The following IL2RA variants were observed in gnomAD, a reference collection of about 807,000 sequenced individuals.
IL2RA encodes the protein interleukin 2 receptor subunit alpha, also known as interleukin-2 receptor subunit alpha.
A neutral mutation model predicts 37.8 loss-of-function variants in IL2RA; 24 were observed. The ratio of observed to expected loss-of-function variants is 0.63; its 90% CI spans 0.46 to 0.89. The LOEUF (loss-of-function observed/expected upper bound fraction) is 0.89, where lower values mean the gene tolerates loss of function less well. Among genes scored for constraint, IL2RA ranks in the 40% least tolerant of loss-of-function variants. The probability of loss-of-function intolerance (pLI) is 0.00; values close to 1 mark genes in which losing one functional copy is unlikely to be tolerated. For missense variants in IL2RA, 319 were observed against 348.6 expected, an observed-to-expected ratio of 0.92 and a Z score of 0.68; for synonymous variants, 125 against 114.6, an observed-to-expected ratio of 1.09 and a Z score of -0.58.
In IL2RA at chr10:6,062,233, T is replaced by C. The variant is rs1840133056; in HGVS notation, c.-82A>G. ...GGCCCAGTTGCCGTCAGCCTCTTTTTGGCATCGCGCCGGAGGATGTGGGAT... is the reference window on the plus strand; with the variant it reads ...GGCCCAGTTGCCGTCAGCCTCTTTTCGGCATCGCGCCGGAGGATGTGGGAT... On this transcript the variant is annotated 5_prime_UTR_variant, in exon 1 of 8. Transcript: ENST00000379959. 5 of 1,221,546 alleles carry C rather than the reference T, an allele frequency of 4.1e-6. No individual in the cohort carries two copies. The highest frequency in any genetic ancestry group is 3.0e-5 in the African/African-American group (2 of 67,352). The allele number at this position is 1,221,546 out of a possible 1,614,324, so 75.7% of individuals were successfully genotyped here. A position where few individuals can be genotyped will look rare whatever the true frequency, so the allele number is the denominator to read the frequency against.
At chr10:6,026,914 G>T (rs553822208) in intron 1 of IL2RA, among the ~76,000 whole-genome samples, 2 of 152,054 alleles carry the variant, frequency 1.3e-5, no homozygotes, top group East Asian at 3.9e-4. Context: ...GTTGTGTATT[G>T]GTCATTCAGG....
chr10:6,043,448 T>G (rs1038018166), intron 1 of IL2RA, among the ~76,000 whole-genome samples: 1 of 145,576 alleles, frequency 6.9e-6, no homozygotes, highest in Non-Finnish European at 1.5e-5. Context: ...GTTTGTTTTG[T>G]TTTTTTTTGA....
chr10:6,040,416 A>G (rs117846960), intron 1 of IL2RA, among the ~76,000 whole-genome samples: 2,008 of 152,326 alleles, frequency 0.013, 24 homozygotes, highest in Non-Finnish European at 0.018. Context: ...AGCATAGTCA[A>G]TTCTCTGATT....
In IL2RA at chr10:6,036,281, C is replaced by G. The variant is rs1451623896; in HGVS notation, c.65-10256G>C. ...CGACAGATTTAGGAATTCAAGCCAG[C>G]TTTTCTGACTCCCAGGCACCTGCTC... On this transcript the variant is annotated intron_variant, in intron 1 of 7. Coordinates refer to ENST00000379959, the MANE Select transcript of IL2RA (RefSeq NM_000417.3). The surrounding 1 kb of genome is among the most constrained non-coding windows in gnomAD (Gnocchi z 6.1). 6.6e-6 allele frequency: 1 copy of G among 152,390 alleles called. No individual in the cohort carries two copies. The highest frequency in any genetic ancestry group is 1.9e-4 in the East Asian group (1 of 5,186). 9.4% of individuals were successfully genotyped at this position (152,390 alleles called of 1,614,324 possible).
intron 1 of IL2RA, among the ~76,000 whole-genome samples, chr10:6,041,251 A>C (rs1839767298): frequency 6.6e-6 from 1 of 151,060 alleles, no homozygotes; most frequent in Non-Finnish European, 1.5e-5. Flanking sequence ...AGTAGCTGGG[A>C]CTGCAGGCGC....
Position 6,044,092 on chromosome 10 carries a change from A to G in IL2RA, c.64+17996T>C, listed in dbSNP as rs1426133893. ...ACTCCCAATTTTATTTATGAAGTCA[A>G]TCATCCAAATCACCTCTCAGTCCTC... On this transcript the variant is annotated intron_variant, in intron 1 of 7. Coordinates refer to ENST00000379959, the MANE Select transcript of IL2RA (RefSeq NM_000417.3). This position sits in a 1 kb window ranked among gnomAD's most constrained non-coding sequence, Gnocchi z 4.5. 2.0e-5 allele frequency among the ~76,000 whole-genome samples: 3 copies of G among 152,340 alleles called. No individual in the cohort carries two copies. Among genetic ancestry groups the G allele is most frequent in the East Asian group, 3.9e-4 (2 of 5,184 alleles).
chr10:6,024,498 C>T (rs12722575), intron 2 of IL2RA, 144 bp from the exon 3 acceptor site: 14,024 of 687,746 alleles, frequency 0.02, 197 homozygotes, highest in Middle Eastern at 0.033. Context: ...CTTACAAATA[C>T]GAAACCAGAG....
chr10:6,058,541 A>G lies in IL2RA; in HGVS notation c.64+3547T>C, dbSNP rs1478058802. 2.0e-5 allele frequency among the ~76,000 whole-genome samples: 3 copies of G among 152,350 alleles called. No individual in the cohort carries two copies. Among genetic ancestry groups the G allele is most frequent in the African/African-American group, 7.2e-5 (3 of 41,584 alleles). On this transcript the variant is annotated intron_variant, in intron 1 of 7. Coordinates refer to ENST00000379959, the MANE Select transcript of IL2RA (RefSeq NM_000417.3). This position sits in a 1 kb window ranked among gnomAD's most constrained non-coding sequence, Gnocchi z 4.2. ...CTTTGGGATCTCAAGAAGTTGAAAG[A>G]TTAAATGTGAAGGGTTAAACATTTT...
intron 3 of IL2RA, among the ~76,000 whole-genome samples, chr10:6,023,643 T>C (rs999449440): frequency 6.6e-6 from 1 of 152,204 alleles, no homozygotes; most frequent in Admixed American, 6.5e-5. Flanking sequence ...GCCCATTTTC[T>C]TGACACCATA....
intron 1 of IL2RA, among the ~76,000 whole-genome samples, chr10:6,027,726 C>T (rs1839508277): frequency 6.6e-6 from 1 of 152,096 alleles, no homozygotes; most frequent in Admixed American, 6.5e-5. Flanking sequence ...TCTCACTGTC[C>T]AGAAGAAGAG....
At chr10:6,026,694 T>A (rs1839488606) in intron 1 of IL2RA, among the ~76,000 whole-genome samples, 1 of 152,082 alleles carries the variant, frequency 6.6e-6, no homozygotes, top group South Asian at 2.1e-4. Context: ...ATCAGAAAAA[T>A]AATTCCATTG....
In IL2RA at chr10:6,035,245, G is replaced by C. The variant is rs1210911237; in HGVS notation, c.65-9220C>G. The stretch of plus-strand genomic sequence containing the variant: ...GAATGGGACCCTGAGAGAGCCAGGG[G>C]TTCCTTGGGCCCCCGCTAGGGGACT... On this transcript the variant is annotated intron_variant, in intron 1 of 7. Transcript: ENST00000379959. This position sits in a 1 kb window ranked among gnomAD's most constrained non-coding sequence, Gnocchi z 5.4. Among the ~76,000 whole-genome samples, 1 of 152,220 alleles carries C rather than the reference G, an allele frequency of 6.6e-6. No homozygotes were observed. Among genetic ancestry groups the C allele is most frequent in the Admixed American group, 6.5e-5 (1 of 15,288 alleles).
At position 6,028,667 on chromosome 10, in the gene IL2RA, G is replaced by T. The variant is rs1839521511; in HGVS notation, c.65-2642C>A. Among the ~76,000 whole-genome samples, 1 of 152,136 alleles carries T rather than the reference G, an allele frequency of 6.6e-6. No individual in the cohort carries two copies. The highest frequency in any genetic ancestry group is 2.4e-5 in the African/African-American group (1 of 41,438). ...GACATGTGAAGAAACAGGAAAATGT[G>T]ACATACTTGACCTACTCAAAAAAGT... On this transcript the variant is annotated intron_variant, in intron 1 of 7. Transcript: ENST00000379959. This position sits in a 1 kb window ranked among gnomAD's most constrained non-coding sequence, Gnocchi z 4.1.
chr10:6,030,695 T>C (rs1308747143), intron 1 of IL2RA, among the ~76,000 whole-genome samples: 3 of 152,112 alleles, frequency 2.0e-5, no homozygotes, highest in Non-Finnish European at 4.4e-5. Flanking sequence ...CATGAAGTAA[T>C]AAAGAACACG....
Position 6,020,955 on chromosome 10 carries a change from G to C in IL2RA, c.583+523C>G, listed in dbSNP as rs887332303. ...TATGTGTGTGTGTGTGTGTGTGTGC[G>C]CGCATGTGCACTGAGTAAGTCCCGA... On this transcript the variant is annotated intron_variant, in intron 4 of 7. Coordinates refer to ENST00000379959, the MANE Select transcript of IL2RA (RefSeq NM_000417.3). This position sits in a 1 kb window ranked among gnomAD's most constrained non-coding sequence, Gnocchi z 5.6. 6.8e-6 allele frequency among the ~76,000 whole-genome samples: 1 copy of C among 146,732 alleles called. No individual in the cohort carries two copies. Among genetic ancestry groups the C allele is most frequent in the Non-Finnish European group, 1.5e-5 (1 of 65,978 alleles).
In IL2RA at chr10:6,012,821, C is replaced by T; in HGVS notation, c.*51G>A. On this transcript the variant is annotated 3_prime_UTR_variant, in exon 8 of 8. Coordinates refer to ENST00000379959, the MANE Select transcript of IL2RA (RefSeq NM_000417.3). This position sits in a 1 kb window ranked among gnomAD's most constrained non-coding sequence, Gnocchi z 4.8. ...TGATTTCACTTGGGCTTCATGACTT[C>T]TGTTGTCTGTTCCCGGCTTCTTACC... The T allele has an allele frequency of 6.3e-7, 1 of 1,585,778 alleles. No homozygotes were observed. The highest frequency in any genetic ancestry group is 2.2e-5 in the East Asian group (1 of 44,736).
At position 6,033,439 on chromosome 10, in the gene IL2RA, G is replaced by T. The variant is rs1564546724; in HGVS notation, c.65-7414C>A. On this transcript the variant is annotated intron_variant, in intron 1 of 7. Coordinates refer to ENST00000379959, the MANE Select transcript of IL2RA (RefSeq NM_000417.3). The surrounding 1 kb of genome is among the most constrained non-coding windows in gnomAD (Gnocchi z 4.3). ...AGAGGAATGAAGGGATGTGTCTACAGAAAGACTTTTATAAAATATTTATAG... is the reference window on the plus strand; with the variant it reads ...AGAGGAATGAAGGGATGTGTCTACATAAAGACTTTTATAAAATATTTATAG... 6.6e-6 allele frequency among the ~76,000 whole-genome samples: 1 copy of T among 152,140 alleles called. No individual in the cohort carries two copies. Among genetic ancestry groups the T allele is most frequent in the Non-Finnish European group, 1.5e-5 (1 of 68,022 alleles).
chr10:6,019,629 G>T, intron 5 of IL2RA, 130 bp from the exon 6 acceptor site: 1 of 804,158 alleles, frequency 1.2e-6, no homozygotes. Context: ...GTGGTGGTGA[G>T]GGAAGGTGTT....
At position 6,044,570 on chromosome 10, in the gene IL2RA, T is replaced by C. The variant is rs1839822856; in HGVS notation, c.64+17518A>G. ...ATGGCACACTCATGAGCATGTCTTA[T>C]GGAAAGCTGCTTCTGCCCCAATCCT... On this transcript the variant is annotated intron_variant, in intron 1 of 7. Transcript: ENST00000379959. This position sits in a 1 kb window ranked among gnomAD's most constrained non-coding sequence, Gnocchi z 4.5. 6.6e-6 allele frequency among the ~76,000 whole-genome samples: 1 copy of C among 152,228 alleles called. No homozygotes were observed. The highest frequency in any genetic ancestry group is 2.1e-4 in the South Asian group (1 of 4,832).
Sources: gnomAD v4.1 joint callset for allele counts (sites outside exome capture counted in the v4.1 genomes callset) on GRCh38, gnomAD v4.1.1 for gene constraint, Gnocchi (gnomAD v3.1) non-coding constraint, MANE v1.5 for transcripts, NCBI Gene and HGNC (gene_info 2026-07-23, HGNC 2026-07-21) for gene names.